The following EDNRB variants were observed in gnomAD, a reference collection of about 807,000 sequenced individuals.
The protein encoded by EDNRB is Hirschsprung disease 2.
In EDNRB, 18 loss-of-function variants were observed where a neutral mutation model predicts 46.4. The observed-to-expected ratio is 0.39, with a 90% CI of 0.27 to 0.57. The LOEUF (loss-of-function observed/expected upper bound fraction) is 0.57, where lower values mean the gene tolerates loss of function less well. EDNRB is among the 20% of genes least tolerant of loss of function. EDNRB has a pLI of 0.61. For missense variants in EDNRB, 434 were observed against 537.5 expected (o/e 0.81, Z 1.90); for synonymous variants, 213 against 204.9 (o/e 1.04, Z -0.34).
intron 1 of EDNRB, chr13:77,939,229 C>T (rs936431091): frequency 6.6e-6 from 1 of 152,120 alleles, no homozygotes; most frequent in Non-Finnish European, 1.5e-5. Context: ...AGGAATTTCA[C>T]AAGATAATGT....
Position 77,918,136 on chromosome 13 carries a change from T to C in EDNRB, c.438A>G (p.Gly146=), listed in dbSNP as rs1447312178. The C allele has an allele frequency of 1.2e-6, 2 of 1,614,168 alleles. No individual in the cohort carries two copies. The highest frequency in any genetic ancestry group is 2.2e-5 in the East Asian group (1 of 44,872). Residue 146 remains glycine, a synonymous_variant, in exon 1 of 7, where the codon GGA becomes GGG. Coordinates refer to ENST00000646607, the MANE Select transcript of EDNRB (RefSeq NM_001122659.3). This position sits in a 1 kb window ranked among gnomAD's most constrained non-coding sequence, Gnocchi z 4.5. ...PNILIASLAL[G]DLLHIVIDIP... ...TGTCAATGACGATGTGCAGCAGGTC[T>C]CCCAGAGCCAAGCTGGCGATCAAGA... is the stretch of plus-strand genomic sequence containing the variant.
rs1878681281 is a variant in EDNRB at position 77,897,300 on chromosome 13, T to C, written c.*900A>G. ...AAACCAAACAGAGTTTAAGCTACGA[T>C]AGTGAAAGAAGAAGATTTTAATAAT... On this transcript the variant is annotated 3_prime_UTR_variant, in exon 7 of 7. Coordinates refer to ENST00000646607, the MANE Select transcript of EDNRB (RefSeq NM_001122659.3). 1 of 985,232 alleles carries C rather than the reference T, an allele frequency of 1.0e-6. No individual in the cohort carries two copies. 61.0% of individuals were successfully genotyped at this position (985,232 alleles called of 1,614,324 possible).
chr13:77,973,298 T>G (rs1228160232), intron 1 of EDNRB, among the ~76,000 whole-genome samples: 1 of 152,214 alleles, frequency 6.6e-6, no homozygotes, highest in African/African-American at 2.4e-5. Context: ...TTTACCTTTA[T>G]ATTAATGTGT....
rs369779853 is a variant in EDNRB at position 77,949,139 on chromosome 13, A to G, written c.-52+26208T>C. Among the ~76,000 whole-genome samples the G allele has an allele frequency of 2.6e-5, 4 of 152,234 alleles. No individual in the cohort carries two copies. The South Asian group carries it at 8.3e-4, about 32-fold the overall frequency. On this transcript the variant is annotated intron_variant, in intron 1 of 7. Coordinates refer to the EDNRB transcript ENST00000646948. ...TGAGTGACAATATACAGTCTATGAT[A>G]TTACAGAATATGCAGCCACACAGGT...
chr13:77,942,291 C>T (rs1027100856), intron 1 of EDNRB, among the ~76,000 whole-genome samples: 2 of 152,148 alleles, frequency 1.3e-5, no homozygotes, highest in South Asian at 2.1e-4. Context: ...AAAGTGTTTA[C>T]AAACAAGCCT....
chr13:77,945,413 C>T (rs749920434), intron 1 of EDNRB, among the ~76,000 whole-genome samples: 1 of 152,098 alleles, frequency 6.6e-6, no homozygotes, highest in African/African-American at 2.4e-5. Flanking sequence ...GCCTGGAAGT[C>T]GTCATTCCCA....
chr13:77,930,401 G>A (rs919189881), intron 1 of EDNRB, among the ~76,000 whole-genome samples: 2 of 152,108 alleles, frequency 1.3e-5, no homozygotes, highest in Non-Finnish European at 2.9e-5. Flanking sequence ...TTCAGAGAGG[G>A]TTATATGGAT....
At chr13:77,928,128 A>G (rs1880290981) in intron 1 of EDNRB, among the ~76,000 whole-genome samples, 1 of 152,224 alleles carries the variant, frequency 6.6e-6, no homozygotes, top group African/African-American at 2.4e-5. Flanking sequence ...TAGCAGTGTG[A>G]GAACAGACTA....
Position 77,918,160 on chromosome 13 carries a change from G to A in EDNRB, c.414C>T (p.Ile138=). ...KNKCMRNGPN[I]LIASLALGDL... is the part of the protein sequence containing the mutation. ...CTCCCAGAGCCAAGCTGGCGATCAAGATATTGGGACCGTTTCGCATGCACT... is the reference window on the plus strand; with the variant it reads ...CTCCCAGAGCCAAGCTGGCGATCAAAATATTGGGACCGTTTCGCATGCACT... Residue 138 remains isoleucine (I), a synonymous_variant, in exon 1 of 7, where the codon ATC becomes ATT. Coordinates refer to ENST00000646607, the MANE Select transcript of EDNRB (RefSeq NM_001122659.3). This position sits in a 1 kb window ranked among gnomAD's most constrained non-coding sequence, Gnocchi z 4.5. 1 of 1,614,186 alleles carries A rather than the reference G, an allele frequency of 6.2e-7. No individual in the cohort carries two copies. The highest frequency in any genetic ancestry group is 8.5e-7 in the Non-Finnish European group (1 of 1,180,030).
intron 1 of EDNRB, among the ~76,000 whole-genome samples, chr13:77,945,932 C>A (rs1023260709): frequency 2.7e-5 from 4 of 149,360 alleles, no homozygotes; most frequent in Non-Finnish European, 5.9e-5. Context: ...AAGCAGGTAT[C>A]TGAATCAGAC....
At chr13:77,915,210 C>T (rs1176311236) in intron 1 of EDNRB, among the ~76,000 whole-genome samples, 3 of 152,030 alleles carry the variant, frequency 2.0e-5, no homozygotes, top group African/African-American at 7.3e-5. Context: ...TTTAACTGGT[C>T]CTGGATTTGA....
At chr13:77,903,090 A>T in intron 3 of EDNRB, 66 bp downstream of exon 3, 1 of 1,547,200 alleles carries the variant, frequency 6.5e-7, no homozygotes, top group Non-Finnish European at 8.9e-7. Context: ...AGTGGGGAAC[A>T]GGGGAAAAAT....
intron 1 of EDNRB, among the ~76,000 whole-genome samples, chr13:77,911,445 G>A (rs1879566758): frequency 6.6e-6 from 1 of 152,044 alleles, no homozygotes; most frequent in African/African-American, 2.4e-5. Context: ...GAAGAAGACA[G>A]CGTACAGTGT....
Position 77,918,395 on chromosome 13 carries a change from G to C in EDNRB, c.179C>G (p.Ala60Gly). Residue 60 changes from alanine (A) to glycine (G), a missense_variant, in exon 1 of 7, where the codon GCC (alanine) becomes GGC (glycine). Ala to Gly is a moderately conservative substitution (Grantham distance 60, BLOSUM62 0). Coordinates refer to ENST00000646607, the MANE Select transcript of EDNRB (RefSeq NM_001122659.3). This position sits in a 1 kb window ranked among gnomAD's most constrained non-coding sequence, Gnocchi z 4.5. Reference sequence around the variant, plus strand: ...AGGTGCCAACGACCGCGCCAGACTGGCGTTGGAACCCTTGGGCCATAAGGT... The same window carrying C: ...AGGTGCCAACGACCGCGCCAGACTGCCGTTGGAACCCTTGGGCCATAAGGT... Reference protein sequence around the residue: ...TKTLWPKGSNASLARSLAPAE... With the variant: ...TKTLWPKGSNGSLARSLAPAE... 1.9e-6 allele frequency: 3 copies of C among 1,601,940 alleles called. No homozygotes were observed. Among genetic ancestry groups the C allele is most frequent in the Non-Finnish European group, 2.6e-6 (3 of 1,172,792 alleles).
At chr13:77,937,492 G>A (rs1295134214) in intron 1 of EDNRB, among the ~76,000 whole-genome samples, 1 of 152,188 alleles carries the variant, frequency 6.6e-6, no homozygotes, top group Non-Finnish European at 1.5e-5. Context: ...TGGAATTCCT[G>A]TATATATTTA....
chr13:77,920,736 C>T (rs1880062037), upstream of EDNRB, among the ~76,000 whole-genome samples: 2 of 152,190 alleles, frequency 1.3e-5, no homozygotes, highest in Non-Finnish European at 2.9e-5. Flanking sequence ...AATTGCAGTC[C>T]TTATCCTCCC....
intron 1 of EDNRB, among the ~76,000 whole-genome samples, chr13:77,950,779 A>G (rs1281598668): frequency 6.6e-6 from 1 of 152,208 alleles, no homozygotes; most frequent in African/African-American, 2.4e-5. Context: ...AACAAGGCCA[A>G]ATAGTATTAC....
At chr13:77,918,956 A>G (rs1159193392), upstream of EDNRB, 3 of 1,106,990 alleles carry the variant, frequency 2.7e-6, no homozygotes, top group Non-Finnish European at 3.4e-6. This position sits in a 1 kb window ranked among gnomAD's most constrained non-coding sequence, Gnocchi z 4.5. Context: ...AACGGGAGGA[A>G]TACAGACACG....
At chr13:77,942,193 T>G (rs1369878857) in intron 1 of EDNRB, among the ~76,000 whole-genome samples, 1 of 152,152 alleles carries the variant, frequency 6.6e-6, no homozygotes, top group Non-Finnish European at 1.5e-5. Flanking sequence ...AAAAAAAAAT[T>G]TAAACATTAT....
Sources: allele counts gnomAD v4.1 joint callset (sites outside exome capture counted in the v4.1 genomes callset), GRCh38; gene constraint gnomAD v4.1.1; non-coding constraint Gnocchi (gnomAD v3.1); transcripts MANE v1.5; gene names NCBI Gene and HGNC (gene_info 2026-07-23, HGNC 2026-07-21).